Variants in OS9 observed in about 807,000 individuals in gnomAD.
The protein encoded by OS9 is OS9 endoplasmic reticulum lectin, also known as protein OS-9.
In OS9, 58 loss-of-function variants were observed where a neutral mutation model predicts 84.7. That is an observed-to-expected ratio of 0.68 (90% CI 0.55 to 0.85). The LOEUF is 0.85. Among genes scored for constraint, OS9 ranks in the 40% least tolerant of loss-of-function variants. The pLI is 0.00. For synonymous variants in OS9, 278 were observed against 320.8 expected (o/e 0.87, Z 1.43); for missense variants, 760 against 850.9 (o/e 0.89, Z 1.33).
At chr12:57,711,336 ATCTTT>A (rs1333505648) in intron 5 of OS9, among the ~76,000 whole-genome samples, 18 of 121,852 alleles carry the variant, frequency 1.5e-4, no homozygotes, top group Non-Finnish European at 2.5e-4. Flanking sequence ...ATGGCAGTAT[ATCTTT>A]TTTTTTTTTT....
At chr12:57,704,002 T>C (rs1185600491) in intron 5 of OS9, among the ~76,000 whole-genome samples, 1 of 152,230 alleles carries the variant, frequency 6.6e-6, no homozygotes, top group African/African-American at 2.4e-5. Flanking sequence ...CCTAGTTGAT[T>C]GTTTTTTTAC....
Position 57,719,005 on chromosome 12 carries a change from C to A in OS9, c.1423C>A (p.Leu475Met). The A allele has an allele frequency of 6.2e-7, 1 of 1,613,214 alleles. No homozygotes were observed. The highest frequency in any genetic ancestry group is 8.5e-7 in the Non-Finnish European group (1 of 1,179,636). ...TTGGGTATTCCAGACAGAGAAAGAG[C>A]TGGACCCAGATGGGCTGAAGAAGGA... ...ENIIQETEKE[L>M]DPDGLKKESE... Residue 475 changes from leucine to methionine, a missense_variant, in exon 12 of 15, where the codon CTG becomes ATG. Coordinates refer to ENST00000315970, the MANE Select transcript of OS9 (RefSeq NM_006812.4).
rs147552535 is a variant in OS9, at chr12:57,714,660, A to T, written c.580-1100A>T. Among the ~76,000 whole-genome samples, 388 of 152,292 alleles carry T rather than the reference A, an allele frequency of 2.5e-3. 1 individual carries two copies. The highest frequency in any genetic ancestry group is 9.0e-3 in the African/African-American group (373 of 41,556). ...ACGGGTTGGAATGCAGTGTGGCATG[A>T]TCATAGCTCACTGTAACTTTGAACT... On this transcript the variant is annotated intron_variant, in intron 5 of 14. Coordinates refer to ENST00000315970, the MANE Select transcript of OS9 (RefSeq NM_006812.4).
chr12:57,713,076 C>T (rs923473636), intron 5 of OS9, among the ~76,000 whole-genome samples: 11 of 152,158 alleles, frequency 7.2e-5, no homozygotes, highest in South Asian at 2.1e-4. Context: ...GAGTCCAGGA[C>T]GGCTCTCAGT....
rs150596382 is a variant in OS9 at position 57,713,493 on chromosome 12, C to T, written c.580-2267C>T. Among the ~76,000 whole-genome samples, 394 of 152,218 alleles carry T rather than the reference C, an allele frequency of 2.6e-3. 1 individual carries two copies. The highest frequency in any genetic ancestry group is 9.0e-3 in the African/African-American group (374 of 41,512). Reference sequence around the variant, plus strand: ...GCTTCCGTGAGGGCAATCAGGGCCCCGATACTTTTGTCCCACTGCACTTGA... The same window carrying T: ...GCTTCCGTGAGGGCAATCAGGGCCCTGATACTTTTGTCCCACTGCACTTGA... On this transcript the variant is annotated intron_variant, in intron 5 of 14. Coordinates refer to ENST00000315970, the MANE Select transcript of OS9 (RefSeq NM_006812.4).
At chr12:57,698,755 G>A (rs1268679845) in intron 5 of OS9, among the ~76,000 whole-genome samples, 1 of 152,188 alleles carries the variant, frequency 6.6e-6, no homozygotes, top group African/African-American at 2.4e-5. Context: ...TACTCACAGG[G>A]ACTGAGGGGA....
chr12:57,711,338 CTTTTTTTTTTTTTTTTT>C (rs34817746), intron 5 of OS9, among the ~76,000 whole-genome samples: 1 of 63,506 alleles, frequency 1.6e-5, no homozygotes, highest in African/African-American at 6.4e-5. Context: ...GGCAGTATAT[CTTTTTTTTTTTTTTTTT>C]TTTTTTTTTG....
chr12:57,711,491 T>C (rs1284240324), intron 5 of OS9, among the ~76,000 whole-genome samples: 1 of 151,680 alleles, frequency 6.6e-6, no homozygotes, highest in Non-Finnish European at 1.5e-5. Flanking sequence ...GGACTACAGG[T>C]GTGCGCCACC....
intron 5 of OS9, among the ~76,000 whole-genome samples, chr12:57,714,483 G>A (rs1954424890): frequency 6.6e-6 from 1 of 152,180 alleles, no homozygotes; most frequent in Non-Finnish European, 1.5e-5. Flanking sequence ...GGGATTACAG[G>A]TGTGAGCCAC....
chr12:57,700,065 A>G (rs1193734457), intron 5 of OS9, among the ~76,000 whole-genome samples: 1 of 152,156 alleles, frequency 6.6e-6, no homozygotes, highest in Non-Finnish European at 1.5e-5. Context: ...ATTGCACTCC[A>G]GCCTGGGTGA....
chr12:57,716,156 T>G lies in OS9; in HGVS notation c.855T>G (p.Ser285Arg), dbSNP rs1267850191. ...AAGATCTAGGCCCCCAAGTGTGGAGTGAGACCAAGTCTGGGGTGGCACCCC... is the reference window on the plus strand; with the variant it reads ...AAGATCTAGGCCCCCAAGTGTGGAGGGAGACCAAGTCTGGGGTGGCACCCC... The part of the protein sequence containing the change: ...ELQDLGPQVW[S>R]ETKSGVAPQK... The change falls in exon 7 of 15, where the codon AGT (serine) becomes AGG (arginine). Residue 285 changes from serine (S) to arginine (R), a missense_variant. Transcript: ENST00000315970. 1.9e-6 allele frequency: 3 copies of G among 1,612,118 alleles called. No homozygotes were observed. In the African/African-American group the frequency reaches 4.0e-5, roughly 22 times the overall value.
rs901829081 is a variant in OS9, at chr12:57,719,203, A to G, written c.1600+21A>G. ...TACAGGTGAGAGCAGTCAGACAAGAAAGAGTAGCCCAGTCTGTTGTTTTCA... is the reference window on the plus strand; with the variant it reads ...TACAGGTGAGAGCAGTCAGACAAGAGAGAGTAGCCCAGTCTGTTGTTTTCA... On this transcript the variant is annotated intron_variant, in intron 12 of 14. Transcript: ENST00000315970. 1.9e-6 allele frequency: 3 copies of G among 1,605,960 alleles called. No homozygotes were observed. The African/African-American group carries it at 4.0e-5, about 22-fold the overall frequency.
chr12:57,709,640 G>C (rs76809208), intron 5 of OS9, among the ~76,000 whole-genome samples: 5,735 of 152,242 alleles, frequency 0.038, 169 homozygotes, highest in Non-Finnish European at 0.061. Context: ...TTTATGTTGA[G>C]TTGACTAGTG....
chr12:57,718,120 T>C, intron 10 of OS9, 26 bp from the exon 11 acceptor site: 1 of 1,605,940 alleles, frequency 6.2e-7, no homozygotes, highest in Non-Finnish European at 8.5e-7. Flanking sequence ...CCCAACTGTC[T>C]TTCTCCCCAC....
At chr12:57,715,023 C>T (rs1359222222) in intron 5 of OS9, among the ~76,000 whole-genome samples, 1 of 152,050 alleles carries the variant, frequency 6.6e-6, no homozygotes, top group Non-Finnish European at 1.5e-5. Context: ...TTACCATATG[C>T]ACATATATAA....
In OS9 at chr12:57,696,255, C is replaced by T; in HGVS notation, c.481-20C>T. 6.3e-7 allele frequency: 1 copy of T among 1,582,492 alleles called. No homozygotes were observed. The highest frequency in any genetic ancestry group is 8.6e-7 in the Non-Finnish European group (1 of 1,156,180). On this transcript the variant is annotated intron_variant, in intron 4 of 14. Transcript: ENST00000315970. ...GCTATCTTTCTCATGTCCCCCATTC[C>T]TGCCTCATGTCTTCTCCAGGCCTCC... is the stretch of plus-strand genomic sequence containing the variant.
chr12:57,717,656 G>A (rs1189195866), intron 9 of OS9, among the ~76,000 whole-genome samples: 1 of 151,988 alleles, frequency 6.6e-6, no homozygotes, highest in African/African-American at 2.4e-5. Flanking sequence ...AGCTGGGTGT[G>A]GTGGCAGGCG....
At chr12:57,711,200 A>T (rs1475491792) in intron 5 of OS9, among the ~76,000 whole-genome samples, 1 of 152,038 alleles carries the variant, frequency 6.6e-6, no homozygotes, top group African/African-American at 2.4e-5. Flanking sequence ...GTGATTACAA[A>T]CAATTATGAA....
chr12:57,721,143 C>T lies in OS9; in HGVS notation c.*234C>T. On this transcript the variant is annotated 3_prime_UTR_variant, in exon 15 of 15. Coordinates refer to ENST00000315970, the MANE Select transcript of OS9 (RefSeq NM_006812.4). ...TGATATTTGCTCTCCTGAACTCTCA[C>T]TCAATCCTCTTCCTCTCCTCTGTGG... is the stretch of plus-strand genomic sequence containing the variant. 3 of 492,512 alleles carry T rather than the reference C, an allele frequency of 6.1e-6. No homozygotes were observed. In the South Asian group the frequency reaches 6.3e-5, roughly 10 times the overall value. 30.5% of individuals were successfully genotyped at this position (492,512 alleles called of 1,614,324 possible). A position where few individuals can be genotyped will look rare whatever the true frequency, so the allele number is the denominator to read the frequency against.
Sources: gnomAD v4.1 joint callset for allele counts (sites outside exome capture counted in the v4.1 genomes callset) on GRCh38, gnomAD v4.1.1 for gene constraint, MANE v1.5 for transcripts, NCBI Gene and HGNC (gene_info 2026-07-23, HGNC 2026-07-21) for gene names.